The following LAT2 variants were observed in gnomAD, a reference collection of about 807,000 sequenced individuals.
The protein encoded by LAT2 is linker for activation of T-cells family member 2.
LAT2 carries 23 observed loss-of-function variants against 43.4 expected under a neutral mutation model. The observed-to-expected ratio is 0.53, with a 90% CI of 0.38 to 0.75. The LOEUF is 0.75. Ranked by LOEUF, LAT2 falls within the 30% of genes least tolerant of loss-of-function variation. The pLI, the probability that LAT2 is intolerant of heterozygous loss-of-function variation, is 0.00. For synonymous variants in LAT2, 128 were observed against 123.2 expected (o/e 1.04, Z -0.26); for missense variants, 284 against 310.2 (o/e 0.92, Z 0.64).
At chr7:74,212,587 T>C (rs988947716) in intron 1 of LAT2, among the ~76,000 whole-genome samples, 1 of 152,168 alleles carries the variant, frequency 6.6e-6, no homozygotes, top group South Asian at 2.1e-4. Flanking sequence ...CCTCATTTTA[T>C]AGATGAGAAA....
chr7:74,217,513 A>C (rs909297962), intron 4 of LAT2, among the ~76,000 whole-genome samples: 1 of 152,162 alleles, frequency 6.6e-6, no homozygotes, highest in African/African-American at 2.4e-5. Context: ...CCCAATCCCC[A>C]GGGGCTAGTC....
At chr7:74,212,260 T>C (rs1801759244) in intron 1 of LAT2, among the ~76,000 whole-genome samples, 1 of 151,666 alleles carries the variant, frequency 6.6e-6, no homozygotes, top group Non-Finnish European at 1.5e-5. Context: ...ATTTTATTTA[T>C]TCATTTATTT....
chr7:74,222,150 C>T (rs1034908379), intron 10 of LAT2, among the ~76,000 whole-genome samples: 6 of 148,600 alleles, frequency 4.0e-5, no homozygotes, highest in Non-Finnish European at 7.4e-5. Context: ...CTTTGGGAGG[C>T]TAAGGTGGGT....
Position 74,229,343 on chromosome 7 carries a change from A to G in LAT2, c.*418A>G, listed in dbSNP as rs1371728219. 1 of 152,648 alleles carries G rather than the reference A, an allele frequency of 6.6e-6. No homozygotes were observed. Among genetic ancestry groups the G allele is most frequent in the African/African-American group, 2.4e-5 (1 of 41,440 alleles). The allele number at this position is 152,648 out of a possible 1,614,324, so 9.5% of individuals were successfully genotyped here. ...GCTATTGTTGGTTGCTGGGGTTTTA[A>G]ATGATTGATAAGCTTGTACAGTTAA... is the stretch of plus-strand genomic sequence containing the variant. On this transcript the variant is annotated 3_prime_UTR_variant, in exon 14 of 14. Transcript: ENST00000460943.
chr7:74,214,014 T>TC (rs1235136025), intron 1 of LAT2, among the ~76,000 whole-genome samples: 1 of 142,956 alleles, frequency 7.0e-6, no homozygotes, highest in Non-Finnish European at 1.5e-5. Context: ...AGTAGCATGA[T>TC]CACAGCTCAC....
rs1410224077 is a variant in LAT2 at position 74,220,819 on chromosome 7, C to A, written c.332+85C>A. 3 of 1,224,264 alleles carry A rather than the reference C, an allele frequency of 2.5e-6. No homozygotes were observed. Among genetic ancestry groups the A allele is most frequent in the African/African-American group, 3.1e-5 (2 of 63,742 alleles). The allele number at this position is 1,224,264 out of a possible 1,614,324, so 75.8% of individuals were successfully genotyped here. ...CTGCCCCACCTCTCCCCCTGCCCCA[C>A]CTGCCTGCCACAGCCCTGGGCTTCC... On this transcript the variant is annotated intron_variant, in intron 9 of 13. Transcript: ENST00000460943. This position sits in a 1 kb window ranked among gnomAD's most constrained non-coding sequence, Gnocchi z 4.5.
intron 1 of LAT2, among the ~76,000 whole-genome samples, chr7:74,212,361 A>G (rs1415122111): frequency 6.6e-6 from 1 of 151,664 alleles, no homozygotes; most frequent in Non-Finnish European, 1.5e-5. Context: ...GCTCACTGCA[A>G]CTCACTGCCT....
chr7:74,228,511 C>T (rs1272645267), intron 13 of LAT2, among the ~76,000 whole-genome samples: 3 of 144,976 alleles, frequency 2.1e-5, no homozygotes, highest in East Asian at 4.1e-4. Context: ...ATGGGCCAGG[C>T]GTGGTGGCTC....
chr7:74,216,568 C>T (rs1802055176), intron 3 of LAT2, among the ~76,000 whole-genome samples: 1 of 152,096 alleles, frequency 6.6e-6, no homozygotes, highest in Non-Finnish European at 1.5e-5. Flanking sequence ...GACGGGGTTT[C>T]CCCATGTTGG....
In LAT2 at chr7:74,220,445, C is replaced by G; in HGVS notation, c.266-139C>G. The G allele has an allele frequency of 1.6e-6, 2 of 1,255,818 alleles. No homozygotes were observed. The highest frequency in any genetic ancestry group is 3.9e-5 in the Admixed American group (2 of 51,316). 77.8% of individuals were successfully genotyped at this position (1,255,818 alleles called of 1,614,324 possible). On this transcript the variant is annotated intron_variant, in intron 7 of 13. Transcript: ENST00000460943. This position sits in a 1 kb window ranked among gnomAD's most constrained non-coding sequence, Gnocchi z 4.5. ...GGCAGGGGGAGGGTGCACACTCGCA[C>G]ATGCCCCACTGAGGGGACAGGGAGC...
rs1802248182 is a variant in LAT2, at chr7:74,220,911, G to A, written c.332+177G>A. ...GTTCCCCTCCTTCTCCTGGCAGGCA[G>A]GCATTGGGCGACACTGTTGTCTCTT... On this transcript the variant is annotated intron_variant, in intron 9 of 13. Coordinates refer to ENST00000460943, the MANE Select transcript of LAT2 (RefSeq NM_032464.3). This position sits in a 1 kb window ranked among gnomAD's most constrained non-coding sequence, Gnocchi z 4.5. 6.6e-6 allele frequency among the ~76,000 whole-genome samples: 1 copy of A among 152,234 alleles called. No homozygotes were observed. Among genetic ancestry groups the A allele is most frequent in the African/African-American group, 2.4e-5 (1 of 41,566 alleles).
Position 74,220,548 on chromosome 7 carries a change from CA to C in LAT2, c.266-35del, listed in dbSNP as rs782752152. The C allele has an allele frequency of 3.1e-6, 5 of 1,613,580 alleles. No homozygotes were observed. The highest frequency in any genetic ancestry group is 4.2e-6 in the Non-Finnish European group (5 of 1,179,782). ...CCCGAGCTGGGTGCAAAGCAGGGGC[CA>C]GGGGAGAAAGCAATTAGCTGGGTCT... On this transcript the variant is annotated intron_variant, in intron 7 of 13. Coordinates refer to ENST00000460943, the MANE Select transcript of LAT2 (RefSeq NM_032464.3). The surrounding 1 kb of genome is among the most constrained non-coding windows in gnomAD (Gnocchi z 4.5).
chr7:74,212,003 G>T (rs1438728039), intron 1 of LAT2, among the ~76,000 whole-genome samples: 2 of 152,162 alleles, frequency 1.3e-5, no homozygotes, highest in Non-Finnish European at 2.9e-5. Context: ...GAGTTCAGTG[G>T]TGTGATCTTG....
intron 1 of LAT2, among the ~76,000 whole-genome samples, chr7:74,211,963 A>G (rs1016508965): frequency 4.6e-5 from 7 of 150,874 alleles, no homozygotes; most frequent in Non-Finnish European, 1.0e-4. Context: ...TTGTTTTTAG[A>G]GATGGGGTCT....
chr7:74,217,291 C>T (rs782110821), intron 4 of LAT2, among the ~76,000 whole-genome samples: 1 of 152,018 alleles, frequency 6.6e-6, no homozygotes, highest in Non-Finnish European at 1.5e-5. Context: ...ATGAGCTGGG[C>T]GTGGTGGTGG....
rs370494269 is a variant in LAT2, at chr7:74,224,120, C to T, written c.551C>T (p.Pro184Leu). The change falls in exon 12 of 14, where the codon CCG (proline) becomes CTG (leucine). Residue 184 changes from proline to leucine, a missense_variant. Coordinates refer to ENST00000460943, the MANE Select transcript of LAT2 (RefSeq NM_032464.3). ...PTSGLCPSAS[P>L]EEDEESEDYQ... ...TCTGGTCTCTGTCCCTCTGCCTCCCCGGAAGAAGATGAGGAATCTGAGGAT... is the reference window on the plus strand; with the variant it reads ...TCTGGTCTCTGTCCCTCTGCCTCCCTGGAAGAAGATGAGGAATCTGAGGAT... 111 of 1,614,176 alleles carry T rather than the reference C, an allele frequency of 6.9e-5. No homozygotes were observed. The highest frequency in any genetic ancestry group is 8.5e-5 in the Non-Finnish European group (100 of 1,180,034).
chr7:74,219,904 G>A (rs1584219561), intron 5 of LAT2, 56 bp from the exon 6 acceptor site: 2 of 1,612,526 alleles, frequency 1.2e-6, no homozygotes, highest in East Asian at 2.2e-5. Flanking sequence ...ATGATGGGGT[G>A]AGGGGGCTGG....
chr7:74,216,863 C>T lies in LAT2; in HGVS notation c.133C>T (p.Leu45=). The change falls in exon 4 of 14, where the codon CTG becomes TTG. Residue 45 remains leucine, a splice_region_variant and synonymous_variant. Transcript: ENST00000460943. ...AGAGAAAATCTACCAGCAGAGAAGT[C>T]TGTGAGTTGCCTCGATGTCCCTAGC... ...RSEKIYQQRS[L]REDQQSFTGS... The T allele has an allele frequency of 1.2e-6, 2 of 1,613,576 alleles. No individual in the cohort carries two copies. Among genetic ancestry groups the T allele is most frequent in the Non-Finnish European group, 1.7e-6 (2 of 1,179,568 alleles).
At position 74,214,890 on chromosome 7, in the gene LAT2, G is replaced by A. The variant is rs868947221; in HGVS notation, c.-150G>A. On this transcript the variant is annotated 5_prime_UTR_variant, in exon 2 of 14. Coordinates refer to ENST00000460943, the MANE Select transcript of LAT2 (RefSeq NM_032464.3). ...GATCTCAAGCGATCCTCCCTGCCTC[G>A]GCCTCCCAACGTGCTGGGATTATAG... 1.2e-4 allele frequency: 17 copies of A among 142,022 alleles called. No homozygotes were observed. Among genetic ancestry groups the A allele is most frequent in the African/African-American group, 2.5e-4 (9 of 36,534 alleles). The allele number at this position is 142,022 out of a possible 1,614,324, so 8.8% of individuals were successfully genotyped here.
Sources: gnomAD v4.1 joint callset for allele counts (sites outside exome capture counted in the v4.1 genomes callset) on GRCh38, gnomAD v4.1.1 for gene constraint, Gnocchi (gnomAD v3.1) non-coding constraint, MANE v1.5 for transcripts, NCBI Gene and HGNC (gene_info 2026-07-23, HGNC 2026-07-21) for gene names.